The following MBNL2 variants were observed in gnomAD, a reference collection of about 807,000 sequenced individuals.
MBNL2 encodes muscleblind-like protein 2.
A neutral mutation model predicts 41.9 loss-of-function variants in MBNL2; 17 were observed. The ratio of observed to expected loss-of-function variants is 0.41; its 90% CI spans 0.28 to 0.61. The LOEUF is 0.61. Among genes scored for constraint, MBNL2 ranks in the 20% least tolerant of loss-of-function variants. MBNL2 has a pLI of 0.35. For synonymous variants in MBNL2, 195 were observed against 182.9 expected (o/e 1.07, Z -0.53); for missense variants, 336 against 505.6 (o/e 0.66, Z 3.22).
At chr13:97,168,520 A>G in the MBNL2 span, among the ~76,000 whole-genome samples, 2 of 152,116 alleles carry the variant, frequency 1.3e-5, no homozygotes, top group Admixed American at 6.5e-5. Context: ...AGCTTATCAT[A>G]TTCTAAATAA....
intron 1 of MBNL2, among the ~76,000 whole-genome samples, chr13:97,241,177 G>A (rs1039765524): frequency 4.6e-5 from 7 of 152,290 alleles, no homozygotes; most frequent in East Asian, 1.9e-4. Context: ...CTTCCTGGAT[G>A]TGCTGACCCA....
At chr13:97,235,175 G>A (rs898989794) in intron 1 of MBNL2, among the ~76,000 whole-genome samples, 7 of 152,096 alleles carry the variant, frequency 4.6e-5, no homozygotes, top group African/African-American at 1.7e-4. Context: ...GATATTTAAC[G>A]TAGAGATCCC....
At chr13:97,248,903 A>G (rs1253131872) in intron 1 of MBNL2, among the ~76,000 whole-genome samples, 1 of 152,174 alleles carries the variant, frequency 6.6e-6, no homozygotes, top group African/African-American at 2.4e-5. Context: ...AATGTTATGC[A>G]AATTTTACTA....
chr13:97,226,910 A>G (rs1383507983), intron 1 of MBNL2, among the ~76,000 whole-genome samples: 1 of 152,104 alleles, frequency 6.6e-6, no homozygotes, highest in Non-Finnish European at 1.5e-5. Context: ...CTCCTGTCCC[A>G]CACTTCTGAG....
chr13:97,176,854 T>C, the MBNL2 span, among the ~76,000 whole-genome samples: 2 of 152,122 alleles, frequency 1.3e-5, no homozygotes, highest in Non-Finnish European at 2.9e-5. Flanking sequence ...ACTACTGCAA[T>C]TGGACATCTC....
At chr13:97,225,866 C>T (rs557417243) in intron 1 of MBNL2, among the ~76,000 whole-genome samples, 1 of 152,348 alleles carries the variant, frequency 6.6e-6, no homozygotes, top group South Asian at 2.1e-4. Flanking sequence ...GTCGACTCAA[C>T]TGGATGAGCA....
chr13:97,271,112 G>GTTTTTTT (rs369155404), intron 1 of MBNL2, among the ~76,000 whole-genome samples: 2 of 133,396 alleles, frequency 1.5e-5, no homozygotes, highest in African/African-American at 2.8e-5. Flanking sequence ...GCTCTTTTTT[G>GTTTTTTT]TTTTTTTTTT....
intron 3 of MBNL2, among the ~76,000 whole-genome samples, chr13:97,341,661 A>G (rs1243809538): frequency 6.6e-6 from 1 of 152,200 alleles, no homozygotes; most frequent in Non-Finnish European, 1.5e-5. Flanking sequence ...TAAGACCATT[A>G]GAACCACCCC....
chr13:97,287,235 A>G (rs1342072290), intron 2 of MBNL2, among the ~76,000 whole-genome samples: 2 of 152,196 alleles, frequency 1.3e-5, no homozygotes, highest in African/African-American at 4.8e-5. Context: ...TAGAGCTATT[A>G]AAATTCATGG....
intron 2 of MBNL2, among the ~76,000 whole-genome samples, chr13:97,293,725 T>C (rs1465460144): frequency 6.6e-6 from 1 of 152,210 alleles, no homozygotes; most frequent in African/African-American, 2.4e-5. Flanking sequence ...CTGAGTCTCG[T>C]ACCTTTTTTA....
intron 1 of MBNL2, among the ~76,000 whole-genome samples, chr13:97,245,289 CCAAGTCT>C (rs373640722): frequency 9.9e-5 from 15 of 152,204 alleles, no homozygotes; most frequent in Non-Finnish European, 1.8e-4. Context: ...TTTTTGGGTG[CCAAGTCT>C]AAGCTCCCAG....
chr13:97,342,557 C>T (rs767600598), intron 3 of MBNL2, among the ~76,000 whole-genome samples: 1 of 152,074 alleles, frequency 6.6e-6, no homozygotes, highest in Admixed American at 6.5e-5. Context: ...CCAAGTAACC[C>T]CACTGTTTGA....
At chr13:97,367,432 T>C (rs749976501) in intron 8 of MBNL2, among the ~76,000 whole-genome samples, 4 of 152,236 alleles carry the variant, frequency 2.6e-5, no homozygotes, top group Non-Finnish European at 4.4e-5. Context: ...GTTTGGTTTT[T>C]AGTTTCATGG....
At chr13:97,318,632 T>C (rs16954019) in intron 2 of MBNL2, among the ~76,000 whole-genome samples, 30,808 of 152,182 alleles carry the variant, frequency 0.2, 5,657 homozygotes, top group African/African-American at 0.49. Flanking sequence ...ATCAATTCAG[T>C]TTGTAAATAC....
intron 7 of MBNL2, among the ~76,000 whole-genome samples, chr13:97,363,325 C>A (rs1342234677): frequency 6.6e-6 from 1 of 151,876 alleles, no homozygotes; most frequent in Non-Finnish European, 1.5e-5. Flanking sequence ...GAAAAGGACC[C>A]AAGACTGAGT....
chr13:97,263,276 T>G (rs2049008459), intron 1 of MBNL2, among the ~76,000 whole-genome samples: 1 of 152,150 alleles, frequency 6.6e-6, no homozygotes, highest in Non-Finnish European at 1.5e-5. Context: ...CTGCCAACCT[T>G]TTCAATTCTA....
chr13:97,166,072 C>T, the MBNL2 span, among the ~76,000 whole-genome samples: 1 of 152,184 alleles, frequency 6.6e-6, no homozygotes, highest in African/African-American at 2.4e-5. Flanking sequence ...AACAGTTGCA[C>T]TGTTTGTTAA....
intron 2 of MBNL2, among the ~76,000 whole-genome samples, chr13:97,319,893 A>C (rs2059361460): frequency 6.6e-6 from 1 of 152,192 alleles, no homozygotes. Context: ...TAAGCTGACT[A>C]GTTTCACTGG....
intron 2 of MBNL2, among the ~76,000 whole-genome samples, chr13:97,303,621 G>A (rs1320727648): frequency 2.0e-5 from 3 of 152,230 alleles, no homozygotes; most frequent in Non-Finnish European, 4.4e-5. Context: ...CAGCCATGAA[G>A]GACACTGAAG....
Sources: gnomAD v4.1 joint callset for allele counts (sites outside exome capture counted in the v4.1 genomes callset) on GRCh38, gnomAD v4.1.1 for gene constraint, MANE v1.5 for transcripts, NCBI Gene and HGNC (gene_info 2026-07-23, HGNC 2026-07-21) for gene names.